The following ATRNL1 variants were observed in gnomAD, a reference collection of about 807,000 sequenced individuals.
ATRNL1 encodes the protein attractin like 1, also known as attractin-like protein 1.
A neutral mutation model predicts 182.7 loss-of-function variants in ATRNL1; 95 were observed. That is an observed-to-expected ratio of 0.52 (90% CI 0.44 to 0.62). The LOEUF is 0.62. Among genes scored for constraint, ATRNL1 ranks in the 20% least tolerant of loss-of-function variants. The pLI, the probability that ATRNL1 is intolerant of heterozygous loss-of-function variation, is 0.00. For missense variants in ATRNL1, 1,471 were observed against 1,679.5 expected, an observed-to-expected ratio of 0.88 and a Z score of 2.17; for synonymous variants, 576 against 568.3, an observed-to-expected ratio of 1.01 and a Z score of -0.19.
intron 26 of ATRNL1, among the ~76,000 whole-genome samples, chr10:115,638,962 G>T (rs527527001): frequency 1.3e-5 from 2 of 152,266 alleles, no homozygotes; most frequent in East Asian, 3.9e-4. Flanking sequence ...GTGGAGAAGA[G>T]GGTGGGGCTG....
intron 27 of ATRNL1, among the ~76,000 whole-genome samples, chr10:115,743,600 G>A (rs1443972715): frequency 2.0e-5 from 3 of 152,146 alleles, no homozygotes; most frequent in Non-Finnish European, 4.4e-5. Flanking sequence ...AACAGTTCAA[G>A]TAGAAGTGAA....
intron 26 of ATRNL1, among the ~76,000 whole-genome samples, chr10:115,615,276 A>G (rs1555020407): frequency 6.6e-6 from 1 of 150,554 alleles, no homozygotes; most frequent in South Asian, 2.1e-4. Flanking sequence ...TTTAAATAAT[A>G]TCTTGTAGGG....
At chr10:115,840,163 G>A (rs1950770234) in intron 27 of ATRNL1, among the ~76,000 whole-genome samples, 1 of 152,102 alleles carries the variant, frequency 6.6e-6, no homozygotes, top group Non-Finnish European at 1.5e-5. Context: ...AAAATGGGAA[G>A]AACAGGCAGG....
intron 26 of ATRNL1, among the ~76,000 whole-genome samples, chr10:115,722,829 G>A (rs1298367269): frequency 6.6e-6 from 1 of 151,980 alleles, no homozygotes; most frequent in East Asian, 1.9e-4. Context: ...ATATTGATTT[G>A]CAAGACAGGT....
rs910699097 is a variant in ATRNL1 at position 115,946,412 on chromosome 10, G to A, written c.*1633G>A. 2 of 152,154 alleles carry A rather than the reference G, an allele frequency of 1.3e-5. No individual in the cohort carries two copies. The highest frequency in any genetic ancestry group is 2.9e-5 in the Non-Finnish European group (2 of 68,022). 9.4% of individuals were successfully genotyped at this position (152,154 alleles called of 1,614,324 possible). A position where few individuals can be genotyped will look rare whatever the true frequency, so the allele number is the denominator to read the frequency against. On this transcript the variant is annotated 3_prime_UTR_variant, in exon 29 of 29. Coordinates refer to ENST00000355044, the MANE Select transcript of ATRNL1 (RefSeq NM_207303.4). ...TATAAGAGGAATGATCATACAATAT[G>A]TAGTTGCATCTTATATAAGATTTCT...
intron 25 of ATRNL1, among the ~76,000 whole-genome samples, chr10:115,548,908 T>C (rs552624062): frequency 1.3e-5 from 2 of 152,214 alleles, no homozygotes; most frequent in African/African-American, 4.8e-5. Context: ...CTCTAGACAT[T>C]GCCAAATGAT....
At chr10:115,416,195 C>G (rs533784194) in intron 20 of ATRNL1, among the ~76,000 whole-genome samples, 1 of 152,014 alleles carries the variant, frequency 6.6e-6, no homozygotes, top group Admixed American at 6.5e-5. Context: ...TGTCTTTCCA[C>G]TTATTTACAT....
chr10:115,587,515 C>G (rs1360680475), intron 26 of ATRNL1, among the ~76,000 whole-genome samples: 2 of 151,216 alleles, frequency 1.3e-5, no homozygotes, highest in African/African-American at 4.8e-5. Flanking sequence ...GGGAGTGACC[C>G]GATTTTCCAG....
At chr10:115,518,802 C>T (rs1482647440) in intron 24 of ATRNL1, among the ~76,000 whole-genome samples, 2 of 151,738 alleles carry the variant, frequency 1.3e-5, no homozygotes, top group African/African-American at 2.4e-5. Context: ...TTAAAATTAA[C>T]TTCTTATTAA....
At chr10:115,181,388 T>G (rs1266169092) in intron 8 of ATRNL1, among the ~76,000 whole-genome samples, 1 of 151,810 alleles carries the variant, frequency 6.6e-6, no homozygotes, top group Non-Finnish European at 1.5e-5. Context: ...AATTTTTAGT[T>G]TGTTTTCTGA....
At chr10:115,856,311 C>T (rs1162103194) in intron 28 of ATRNL1, among the ~76,000 whole-genome samples, 1 of 151,504 alleles carries the variant, frequency 6.6e-6, no homozygotes, top group Non-Finnish European at 1.5e-5. Context: ...GCCCGTAATC[C>T]CAGCTACTGG....
chr10:115,420,598 G>C (rs1257992735), intron 20 of ATRNL1, among the ~76,000 whole-genome samples: 1 of 151,952 alleles, frequency 6.6e-6, no homozygotes, highest in East Asian at 1.9e-4. Flanking sequence ...TCACCTATTT[G>C]AAAAAGTAGA....
chr10:115,696,914 G>T (rs1301140849), intron 26 of ATRNL1, among the ~76,000 whole-genome samples: 1 of 148,288 alleles, frequency 6.7e-6, no homozygotes, highest in East Asian at 1.9e-4. Context: ...CGAGCTAGGG[G>T]GGAAATGCCA....
chr10:115,554,733 G>A (rs1217248306), intron 26 of ATRNL1, among the ~76,000 whole-genome samples: 3 of 151,578 alleles, frequency 2.0e-5, no homozygotes, highest in African/African-American at 7.2e-5. Context: ...AGTCAGATTA[G>A]TAATGGAAGT....
chr10:115,836,226 G>A (rs1565422693), intron 27 of ATRNL1, among the ~76,000 whole-genome samples: 1 of 152,154 alleles, frequency 6.6e-6, no homozygotes, highest in Non-Finnish European at 1.5e-5. Flanking sequence ...TTTCTCAAGT[G>A]CAAGTGACTT....
intron 20 of ATRNL1, among the ~76,000 whole-genome samples, chr10:115,399,413 T>C (rs1844446004): frequency 6.6e-6 from 1 of 152,074 alleles, no homozygotes; most frequent in Admixed American, 6.6e-5. Context: ...GGTTTATGCG[T>C]CCAGAAATTT....
intron 13 of ATRNL1, among the ~76,000 whole-genome samples, chr10:115,280,819 C>G (rs1554916563): frequency 6.6e-6 from 1 of 152,178 alleles, no homozygotes; most frequent in African/African-American, 2.4e-5. Flanking sequence ...AATATCAAGT[C>G]ATGTCAGAGT....
chr10:115,689,435 A>C (rs1555047376), intron 26 of ATRNL1, among the ~76,000 whole-genome samples: 3 of 152,222 alleles, frequency 2.0e-5, no homozygotes, highest in African/African-American at 7.2e-5. Flanking sequence ...CCGCAAAACA[A>C]AGTATATTAT....
intron 26 of ATRNL1, among the ~76,000 whole-genome samples, chr10:115,643,700 A>T (rs782449331): frequency 6.6e-6 from 1 of 152,194 alleles, no homozygotes; most frequent in Non-Finnish European, 1.5e-5. Context: ...ACTCAATATC[A>T]TTAGTCTTAG....
Sources: allele counts gnomAD v4.1 joint callset (sites outside exome capture counted in the v4.1 genomes callset), GRCh38; gene constraint gnomAD v4.1.1; transcripts MANE v1.5; gene names NCBI Gene and HGNC (gene_info 2026-07-23, HGNC 2026-07-21).